The following DUSP16 variants were observed in gnomAD, a reference collection of about 807,000 sequenced individuals.
The protein encoded by DUSP16 is dual specificity phosphatase 16.
DUSP16 carries 21 observed loss-of-function variants against 58.3 expected under a neutral mutation model. The observed-to-expected ratio is 0.36, with a 90% CI of 0.26 to 0.52. DUSP16 has a LOEUF of 0.52. Among genes scored for constraint, DUSP16 ranks in the 20% least tolerant of loss-of-function variants. The pLI, the probability that DUSP16 is intolerant of heterozygous loss-of-function variation, is 0.94. For missense variants in DUSP16, 726 were observed against 819.0 expected, an observed-to-expected ratio of 0.89 and a Z score of 1.39; for synonymous variants, 320 against 323.8, an observed-to-expected ratio of 0.99 and a Z score of 0.12.
At chr12:12,527,846 C>T (rs552104805) in intron 1 of DUSP16, among the ~76,000 whole-genome samples, 1 of 152,286 alleles carries the variant, frequency 6.6e-6, no homozygotes, top group African/African-American at 2.4e-5. Flanking sequence ...ACTGACATAC[C>T]ACACTGTTGA....
In DUSP16 at chr12:12,477,000, G is replaced by A. The variant is rs771097941; in HGVS notation, c.1831C>T (p.Arg611Trp). 4.3e-6 allele frequency: 7 copies of A among 1,614,078 alleles called. No individual in the cohort carries two copies. The highest frequency in any genetic ancestry group is 2.2e-5 in the East Asian group (1 of 44,890). The change falls in exon 7 of 7, where the codon CGG becomes TGG. Residue 611 changes from arginine to tryptophan, a missense_variant. Arg to Trp is a moderately radical substitution (Grantham distance 101, BLOSUM62 -3). Transcript: ENST00000298573. ...QKPSDRADSR[R>W]SWHEESPFEK... is the part of the protein sequence containing the mutation. ...AAGGGGCTCTCTTCATGCCAGCTCC[G>A]CCGCGAGTCAGCTCTGTCACTTGGC...
At chr12:12,524,280 T>A (rs1944273041) in intron 1 of DUSP16, among the ~76,000 whole-genome samples, 1 of 152,094 alleles carries the variant, frequency 6.6e-6, no homozygotes, top group African/African-American at 2.4e-5. Context: ...AAGTGAAGCA[T>A]AGGGGTAAAA....
intron 1 of DUSP16, among the ~76,000 whole-genome samples, chr12:12,538,359 G>C (rs934028204): frequency 2.0e-5 from 3 of 152,142 alleles, no homozygotes; most frequent in Non-Finnish European, 4.4e-5. Context: ...GAAAGTCAGA[G>C]ACTACTGAAA....
At position 12,521,424 on chromosome 12, in the gene DUSP16, T is replaced by C. The variant is rs1214036768; in HGVS notation, c.-326A>G. On this transcript the variant is annotated 5_prime_UTR_variant, in exon 2 of 7. Transcript: ENST00000298573. ...CAGCGCATTACATCATTCTTTACCT[T>C]TGCTCCCGCGCTCCAACAGCTTTAC... is the stretch of plus-strand genomic sequence containing the variant. The C allele has an allele frequency of 8.5e-7, 1 of 1,174,354 alleles. No homozygotes were observed. Among genetic ancestry groups the C allele is most frequent in the East Asian group, 5.1e-5 (1 of 19,546 alleles). The allele number at this position is 1,174,354 out of a possible 1,614,324, so 72.7% of individuals were successfully genotyped here. A position where few individuals can be genotyped will look rare whatever the true frequency, so the allele number is the denominator to read the frequency against.
At chr12:12,491,602 A>C (rs1364625785) in intron 4 of DUSP16, 3 of 152,202 alleles carry the variant, frequency 2.0e-5, no homozygotes, top group East Asian at 3.8e-4. Flanking sequence ...AGCAGTCACC[A>C]TATGCTGTTA....
Position 12,478,150 on chromosome 12 carries a change from G to T in DUSP16, c.816-135C>A, listed in dbSNP as rs535590148. On this transcript the variant is annotated intron_variant, in intron 6 of 6. Coordinates refer to ENST00000298573, the MANE Select transcript of DUSP16 (RefSeq NM_030640.3). ...TGGAAGATGATTGGTTTACAAGTTCGGGGAGATGCTTCAAGGTGGAGAATA... is the reference window on the plus strand; with the variant it reads ...TGGAAGATGATTGGTTTACAAGTTCTGGGAGATGCTTCAAGGTGGAGAATA... 6.1e-6 allele frequency: 5 copies of T among 813,458 alleles called. No individual in the cohort carries two copies. The African/African-American group carries it at 6.9e-5, about 11-fold the overall frequency. 50.4% of individuals were successfully genotyped at this position (813,458 alleles called of 1,614,324 possible).
At chr12:12,522,313 T>C (rs1467864286) in intron 1 of DUSP16, among the ~76,000 whole-genome samples, 1 of 152,168 alleles carries the variant, frequency 6.6e-6, no homozygotes, top group Non-Finnish European at 1.5e-5. Context: ...CCCCTTAACC[T>C]GGAACTCTAA....
chr12:12,516,507 G>A (rs1944156951), intron 3 of DUSP16, among the ~76,000 whole-genome samples: 1 of 152,122 alleles, frequency 6.6e-6, no homozygotes, highest in Non-Finnish European at 1.5e-5. Context: ...AGATTTCTAG[G>A]GTTGTTAGCT....
intron 1 of DUSP16, among the ~76,000 whole-genome samples, chr12:12,556,328 C>A (rs892373683): frequency 1.3e-5 from 2 of 152,078 alleles, no homozygotes; most frequent in African/African-American, 2.4e-5. Context: ...GAGACTAAGG[C>A]AGGAAGACTG....
At chr12:12,497,603 CATT>C (rs1051147487) in intron 4 of DUSP16, among the ~76,000 whole-genome samples, 5 of 151,078 alleles carry the variant, frequency 3.3e-5, no homozygotes, top group African/African-American at 1.2e-4. Flanking sequence ...AAATGGGAAA[CATT>C]ATGATTCTCC....
chr12:12,519,377 C>G (rs1257241440), intron 3 of DUSP16, among the ~76,000 whole-genome samples: 4 of 152,132 alleles, frequency 2.6e-5, no homozygotes, highest in Non-Finnish European at 5.9e-5. Flanking sequence ...ACATTCTCCC[C>G]CTATTTCATT....
Position 12,505,770 on chromosome 12 carries a change from TCAAAA to T in DUSP16, c.368-5093_368-5089del, listed in dbSNP as rs139106596. On this transcript the variant is annotated intron_variant, in intron 3 of 6. Transcript: ENST00000298573. ...GAGAGAAAGAAACCATTGTTCAGCTTCAAAACAAAAGAGCCAAACAAAACAACACT... is the reference window on the plus strand; with the variant it reads ...GAGAGAAAGAAACCATTGTTCAGCTTCAAAAGAGCCAAACAAAACAACACT... Among the ~76,000 whole-genome samples, 550 of 152,226 alleles carry T rather than the reference TCAAAA, an allele frequency of 3.6e-3. 3 individuals are homozygous for T. The highest frequency in any genetic ancestry group is 0.012 in the African/African-American group (504 of 41,534).
In DUSP16 at chr12:12,478,330, G is replaced by A. The variant is rs73289691; in HGVS notation, c.816-315C>T. Among the ~76,000 whole-genome samples, 436 of 150,238 alleles carry A rather than the reference G, an allele frequency of 2.9e-3. 2 individuals are homozygous for A. The highest frequency in any genetic ancestry group is 1.0e-2 in the African/African-American group (410 of 41,182). ...AGAGATGGTATGGGGTTTTGTTGGT[G>A]GTGGTCTTTTTTTTTTTTAAGAGAC... On this transcript the variant is annotated intron_variant, in intron 6 of 6. Transcript: ENST00000298573.
chr12:12,490,115 G>A (rs1943741565), intron 4 of DUSP16, among the ~76,000 whole-genome samples: 1 of 152,086 alleles, frequency 6.6e-6, no homozygotes, highest in South Asian at 2.1e-4. Context: ...ACAGGGTCTC[G>A]CTGTATTGTC....
intron 1 of DUSP16, among the ~76,000 whole-genome samples, chr12:12,523,135 C>T (rs940305746): frequency 5.3e-5 from 8 of 152,196 alleles, no homozygotes; most frequent in Non-Finnish European, 1.0e-4. Flanking sequence ...AGAGATGTAG[C>T]TTTGCCATTT....
At chr12:12,561,547 G>C (rs1361839462) in intron 1 of DUSP16, among the ~76,000 whole-genome samples, 1 of 152,122 alleles carries the variant, frequency 6.6e-6, no homozygotes, top group African/African-American at 2.4e-5. Flanking sequence ...GCCCCCCAAC[G>C]CCAAGACCCG....
intron 4 of DUSP16, among the ~76,000 whole-genome samples, chr12:12,494,782 G>C (rs1474818252): frequency 2.0e-5 from 3 of 152,144 alleles, no homozygotes; most frequent in Admixed American, 2.0e-4. Context: ...TTAGGTCCTG[G>C]AAGGTCTTAA....
chr12:12,490,723 T>TA (rs1475763029), intron 4 of DUSP16, among the ~76,000 whole-genome samples: 1 of 152,166 alleles, frequency 6.6e-6, no homozygotes, highest in Non-Finnish European at 1.5e-5. Context: ...CAGGAACTTG[T>TA]AAAACACTAT....
intron 4 of DUSP16, among the ~76,000 whole-genome samples, chr12:12,492,000 T>C (rs1441834532): frequency 6.6e-6 from 1 of 152,172 alleles, no homozygotes; most frequent in Non-Finnish European, 1.5e-5. Flanking sequence ...TTACAATCAC[T>C]CCTTTCCTTT....
Sources: gnomAD v4.1 joint callset for allele counts (sites outside exome capture counted in the v4.1 genomes callset) on GRCh38, gnomAD v4.1.1 for gene constraint, MANE v1.5 for transcripts, NCBI Gene and HGNC (gene_info 2026-07-23, HGNC 2026-07-21) for gene names.